Variants in SCHIP1 observed in about 807,000 individuals in gnomAD.
SCHIP1 encodes the protein schwannomin-interacting protein 1.
A neutral mutation model predicts 29.7 loss-of-function variants in SCHIP1; 8 were observed. That is an observed-to-expected ratio of 0.27 (90% CI 0.16 to 0.49). The LOEUF (loss-of-function observed/expected upper bound fraction) is 0.49, where lower values mean the gene tolerates loss of function less well. Among genes scored for constraint, SCHIP1 ranks in the 20% least tolerant of loss-of-function variants. The pLI is 0.99. For missense variants in SCHIP1, 193 were observed against 294.6 expected (o/e 0.66, Z 2.52); for synonymous variants, 76 against 94.9 (o/e 0.80, Z 1.16).
chr3:159,826,810 T>G, the SCHIP1 span, among the ~76,000 whole-genome samples: 1 of 152,226 alleles, frequency 6.6e-6, no homozygotes, highest in African/African-American at 2.4e-5. Flanking sequence ...CTTATGTGTC[T>G]GAAAGAGACT....
At chr3:159,674,345 G>C in the SCHIP1 span, among the ~76,000 whole-genome samples, 3 of 152,162 alleles carry the variant, frequency 2.0e-5, no homozygotes, top group African/African-American at 7.2e-5. Flanking sequence ...TGGTTGAAGA[G>C]GGCCTGGAGA....
chr3:159,512,715 A>G, the SCHIP1 span, among the ~76,000 whole-genome samples: 2 of 152,190 alleles, frequency 1.3e-5, no homozygotes, highest in Admixed American at 6.5e-5. Flanking sequence ...ATCCAATCAT[A>G]TTGTTAAAGT....
chr3:159,893,074 T>A (rs1413867213), intron 6 of SCHIP1: 1 of 152,168 alleles, frequency 6.6e-6, no homozygotes, highest in Non-Finnish European at 1.5e-5. Context: ...CGAAAACATA[T>A]GTAGTGATAA....
the SCHIP1 span, among the ~76,000 whole-genome samples, chr3:159,553,033 G>A: frequency 0.16 from 24,934 of 151,940 alleles, 2,746 homozygotes; most frequent in African/African-American, 0.3. Context: ...ATCATATTAC[G>A]AATTAGAAAA....
the SCHIP1 span, among the ~76,000 whole-genome samples, chr3:159,418,074 T>C: frequency 6.6e-6 from 1 of 152,208 alleles, no homozygotes; most frequent in Admixed American, 6.5e-5. Flanking sequence ...CTGAGGTTGG[T>C]AGTTATTTGT....
chr3:159,275,216 T>C, the SCHIP1 span: 18 of 219,000 alleles, frequency 8.2e-5, no homozygotes, highest in Non-Finnish European at 1.4e-4. Flanking sequence ...GAATGAAAGG[T>C]AGATTTATGA....
the SCHIP1 span, among the ~76,000 whole-genome samples, chr3:159,510,735 C>T: frequency 6.6e-6 from 1 of 152,192 alleles, no homozygotes; most frequent in East Asian, 1.9e-4. Flanking sequence ...GAGGTCCACT[C>T]CAGACCCTGT....
the SCHIP1 span, among the ~76,000 whole-genome samples, chr3:159,611,757 G>A: frequency 3.3e-5 from 5 of 152,064 alleles, no homozygotes; most frequent in African/African-American, 1.2e-4. Flanking sequence ...TTTTACATAT[G>A]AGTAAATTGA....
chr3:159,534,857 A>G, the SCHIP1 span, among the ~76,000 whole-genome samples: 2 of 152,298 alleles, frequency 1.3e-5, no homozygotes, highest in East Asian at 3.9e-4. Context: ...CCACAGTTTG[A>G]CATTACATCC....
chr3:159,609,322 G>A, the SCHIP1 span, among the ~76,000 whole-genome samples: 2 of 152,094 alleles, frequency 1.3e-5, no homozygotes, highest in Non-Finnish European at 2.9e-5. Flanking sequence ...ATAGTGAGTA[G>A]TCCAGTGTTC....
At chr3:159,515,772 T>G in the SCHIP1 span, among the ~76,000 whole-genome samples, 1 of 152,208 alleles carries the variant, frequency 6.6e-6, no homozygotes, top group South Asian at 2.1e-4. Context: ...TTCACTGATT[T>G]CTTTATTCTT....
chr3:159,413,300 C>T, the SCHIP1 span, among the ~76,000 whole-genome samples: 4 of 152,178 alleles, frequency 2.6e-5, no homozygotes, highest in Non-Finnish European at 5.9e-5. Context: ...CAAAATGAGG[C>T]TGCAGGGCTA....
chr3:159,776,917 C>G, the SCHIP1 span, among the ~76,000 whole-genome samples: 37,041 of 151,934 alleles, frequency 0.24, 4,786 homozygotes, highest in East Asian at 0.45. Context: ...AGATAACCCA[C>G]TGGAGCAGTG....
chr3:159,714,978 C>A, the SCHIP1 span, among the ~76,000 whole-genome samples: 5 of 152,362 alleles, frequency 3.3e-5, no homozygotes, highest in South Asian at 1.0e-3. Context: ...AGTAGCCTAA[C>A]TGGGAGGCAT....
At chr3:159,583,727 T>C in the SCHIP1 span, among the ~76,000 whole-genome samples, 2 of 152,182 alleles carry the variant, frequency 1.3e-5, no homozygotes, top group Non-Finnish European at 2.9e-5. Flanking sequence ...TTTGAGTCAA[T>C]GAATCTTTTG....
chr3:159,388,776 G>A, the SCHIP1 span, among the ~76,000 whole-genome samples: 1 of 152,072 alleles, frequency 6.6e-6, no homozygotes, highest in East Asian at 1.9e-4. Flanking sequence ...AAAGAAATTT[G>A]TAATAAAGAT....
the SCHIP1 span, among the ~76,000 whole-genome samples, chr3:159,510,695 C>T: frequency 6.6e-6 from 1 of 152,188 alleles, no homozygotes; most frequent in Non-Finnish European, 1.5e-5. Flanking sequence ...CAGTCAGGAC[C>T]CTCAGCTGCA....
the SCHIP1 span, among the ~76,000 whole-genome samples, chr3:159,543,810 T>A: frequency 6.6e-6 from 1 of 152,162 alleles, no homozygotes; most frequent in Non-Finnish European, 1.5e-5. Flanking sequence ...TCCACAATGG[T>A]TGAACTAGTT....
At chr3:159,759,042 G>A in the SCHIP1 span, among the ~76,000 whole-genome samples, 2 of 152,190 alleles carry the variant, frequency 1.3e-5, no homozygotes, top group Non-Finnish European at 2.9e-5. Flanking sequence ...TATCTTTTAA[G>A]TGCCATTTTG....
Sources: gnomAD v4.1 joint callset for allele counts (sites outside exome capture counted in the v4.1 genomes callset) on GRCh38, gnomAD v4.1.1 for gene constraint, MANE v1.5 for transcripts, NCBI Gene and HGNC (gene_info 2026-07-23, HGNC 2026-07-21) for gene names.